The following SERPINB7 variants were observed in gnomAD, a reference collection of about 807,000 sequenced individuals.
SERPINB7 encodes serpin B7.
A neutral mutation model predicts 37.4 loss-of-function variants in SERPINB7; 31 were observed. The observed-to-expected ratio is 0.83, with a 90% CI of 0.62 to 1.12. The LOEUF (loss-of-function observed/expected upper bound fraction) is 1.12, where lower values mean the gene tolerates loss of function less well. Among genes scored for constraint, SERPINB7 ranks in the 50% most tolerant of loss-of-function variants. The pLI is 0.00. For missense variants in SERPINB7, 521 were observed against 455.3 expected, an observed-to-expected ratio of 1.14 and a Z score of -1.31; for synonymous variants, 163 against 166.1, an observed-to-expected ratio of 0.98 and a Z score of 0.14.
chr18:63,783,954 C>G (rs1265044418), intron 2 of SERPINB7, among the ~76,000 whole-genome samples: 2 of 152,136 alleles, frequency 1.3e-5, no homozygotes, highest in Non-Finnish European at 2.9e-5. Flanking sequence ...TAGAGAACAA[C>G]TACAGAGTCT....
In SERPINB7 at chr18:63,782,555, T is replaced by C. The variant is rs763615979; in HGVS notation, c.168+15T>C. ...AGATTGATAAGGTCAGTCTCAGCTTTTGCAGTTAATCACTGGGACAAATTG... is the reference window on the plus strand; with the variant it reads ...AGATTGATAAGGTCAGTCTCAGCTTCTGCAGTTAATCACTGGGACAAATTG... On this transcript the variant is annotated intron_variant, in intron 2 of 7. Transcript: ENST00000398019. The C allele has an allele frequency of 6.3e-7, 1 of 1,594,866 alleles. No homozygotes were observed. Among genetic ancestry groups the C allele is most frequent in the Non-Finnish European group, 8.6e-7 (1 of 1,169,408 alleles).
intron 7 of SERPINB7, 136 bp from the exon 8 acceptor site, chr18:63,804,101 G>T (rs72939821): frequency 0.04 from 25,464 of 635,222 alleles, 689 homozygotes; most frequent in Non-Finnish European, 0.051. Flanking sequence ...TTTCAAGACT[G>T]CCCAAGACAC....
intron 1 of SERPINB7, among the ~76,000 whole-genome samples, chr18:63,755,748 G>T (rs116508610): frequency 5.8e-4 from 88 of 152,050 alleles, no homozygotes; most frequent in African/African-American, 2.1e-3. Flanking sequence ...AAAAAAAATA[G>T]CTAGATATGG....
At chr18:63,786,763 G>A (rs1401131552) in intron 2 of SERPINB7, among the ~76,000 whole-genome samples, 1 of 152,068 alleles carries the variant, frequency 6.6e-6, no homozygotes, top group Non-Finnish European at 1.5e-5. Context: ...GCACATGAGG[G>A]AACATGAAAG....
intron 6 of SERPINB7, 78 bp downstream of exon 6, chr18:63,798,824 TA>T: frequency 7.0e-7 from 1 of 1,435,358 alleles, no homozygotes; most frequent in Non-Finnish European, 9.6e-7. Context: ...AGTTACATAG[TA>T]AACTCTAGGT....
chr18:63,753,829 G>A (rs1462009569), intron 1 of SERPINB7, among the ~76,000 whole-genome samples: 4 of 152,190 alleles, frequency 2.6e-5, no homozygotes, highest in Admixed American at 2.0e-4. Context: ...TTGATAGAAT[G>A]ATTCAGAATC....
chr18:63,775,997 TGGAC>T (rs2049243634), intron 1 of SERPINB7, among the ~76,000 whole-genome samples: 1 of 152,056 alleles, frequency 6.6e-6, no homozygotes, highest in African/African-American at 2.4e-5. Flanking sequence ...CAGTCAGTCT[TGGAC>T]TTATTTTGCA....
At chr18:63,792,007 T>C (rs1325785753) in intron 2 of SERPINB7, among the ~76,000 whole-genome samples, 1 of 152,238 alleles carries the variant, frequency 6.6e-6, no homozygotes, top group Non-Finnish European at 1.5e-5. Context: ...TGCTGAAATA[T>C]GCTTTTCATT....
chr18:63,795,329 G>A (rs1326573643), intron 4 of SERPINB7, among the ~76,000 whole-genome samples: 1 of 152,154 alleles, frequency 6.6e-6, no homozygotes, highest in African/African-American at 2.4e-5. Context: ...GGGAGGCTGA[G>A]GCGGGAGGAT....
Position 63,783,186 on chromosome 18 carries a change from AAGAGAGAGAGAG to A in SERPINB7, c.168+684_168+695del, listed in dbSNP as rs1200340375. 5.0e-3 allele frequency among the ~76,000 whole-genome samples: 373 copies of A among 75,284 alleles called. 6 individuals are homozygous for A. The highest frequency in any genetic ancestry group is 6.0e-3 in the Non-Finnish European group (226 of 37,602). 49.4% of individuals were successfully genotyped at this position (75,284 alleles called of 152,430 possible). Reference sequence around the variant, plus strand: ...CAAAAAGAAAATAAAGAAAGAAAGAAAGAGAGAGAGAGAGAGAGAGAGAGAGAGAGAGAGAGA... The same window carrying A: ...CAAAAAGAAAATAAAGAAAGAAAGAAAGAGAGAGAGAGAGAGAGAGAGAGA... On this transcript the variant is annotated intron_variant, in intron 2 of 7. Transcript: ENST00000398019.
rs185363008 is a variant in SERPINB7, at chr18:63,768,774, C to A, written c.-18-13581C>A. ...AATTCATAGAATGTTTCCATCACCCCCAAAACTCCCCAAGGTCCCTTTGCC... is the reference window on the plus strand; with the variant it reads ...AATTCATAGAATGTTTCCATCACCCACAAAACTCCCCAAGGTCCCTTTGCC... On this transcript the variant is annotated intron_variant, in intron 1 of 7. Transcript: ENST00000336429. Among the ~76,000 whole-genome samples, 3 of 152,154 alleles carry A rather than the reference C, an allele frequency of 2.0e-5. No homozygotes were observed. The East Asian group carries it at 5.8e-4, about 29-fold the overall frequency.
At chr18:63,795,312 G>A (rs903000072) in intron 4 of SERPINB7, among the ~76,000 whole-genome samples, 4 of 152,196 alleles carry the variant, frequency 2.6e-5, no homozygotes, top group Admixed American at 2.0e-4. Context: ...TGTAATCCCA[G>A]CACTTTGGGA....
chr18:63,780,534 T>G (rs1305025610), intron 1 of SERPINB7, among the ~76,000 whole-genome samples: 1 of 152,224 alleles, frequency 6.6e-6, no homozygotes. Flanking sequence ...CTTTCATTGT[T>G]TCTCGTCTCC....
chr18:63,761,936 T>A (rs2049156499), intron 1 of SERPINB7, among the ~76,000 whole-genome samples: 1 of 152,210 alleles, frequency 6.6e-6, no homozygotes. Flanking sequence ...CTCTCTGTCT[T>A]CTAGGTCTGA....
chr18:63,783,254 GA>G (rs1461767618), intron 2 of SERPINB7, among the ~76,000 whole-genome samples: 1 of 145,394 alleles, frequency 6.9e-6, no homozygotes, highest in African/African-American at 2.7e-5. Flanking sequence ...AAGAAAGAAA[GA>G]AAGAAAGAAA....
Position 63,769,917 on chromosome 18 carries a change from A to G in SERPINB7, c.-18-12438A>G, listed in dbSNP as rs549901992. Among the ~76,000 whole-genome samples, 7 of 151,428 alleles carry G rather than the reference A, an allele frequency of 4.6e-5. No individual in the cohort carries two copies. In the South Asian group the frequency reaches 1.3e-3, roughly 27 times the overall value. ...GGGTGCTACACTTTTGCTAGTGTCT[A>G]CTTTCTTCAGGGTGGTAGTTGACAG... On this transcript the variant is annotated intron_variant, in intron 1 of 7. Transcript: ENST00000336429.
chr18:63,793,122 A>C (rs949010377), intron 3 of SERPINB7, 39 bp from the exon 4 acceptor site: 2 of 1,101,726 alleles, frequency 1.8e-6, no homozygotes, highest in African/African-American at 3.2e-5. Context: ...ATATCTTTGC[A>C]GTCCAAAAAT....
intron 3 of SERPINB7, 68 bp downstream of exon 3, chr18:63,792,511 C>G: frequency 2.8e-6 from 3 of 1,078,476 alleles, no homozygotes; most frequent in Non-Finnish European, 2.8e-6. Context: ...GCCTGTAATA[C>G]CAGAACTTTG....
chr18:63,791,589 AC>A (rs1405415876), intron 2 of SERPINB7, among the ~76,000 whole-genome samples: 9 of 152,106 alleles, frequency 5.9e-5, no homozygotes, highest in African/African-American at 2.2e-4. Flanking sequence ...TCCATAAATC[AC>A]AAAATAGTCC....
Sources: allele counts gnomAD v4.1 joint callset (sites outside exome capture counted in the v4.1 genomes callset), GRCh38; gene constraint gnomAD v4.1.1; transcripts MANE v1.5; gene names NCBI Gene and HGNC (gene_info 2026-07-23, HGNC 2026-07-21).